Variants in PALM2AKAP2 observed in about 807,000 individuals in gnomAD.
PALM2AKAP2 encodes the protein PALM2-AKAP2 fusion protein.
Under a neutral mutation model 71.5 loss-of-function variants are expected in PALM2AKAP2, and 37 were observed. The ratio of observed to expected loss-of-function variants is 0.52; its 90% CI spans 0.40 to 0.68. The LOEUF is 0.68. Ranked by LOEUF, PALM2AKAP2 falls within the 30% of genes least tolerant of loss-of-function variation. PALM2AKAP2 has a pLI of 0.00. For synonymous variants in PALM2AKAP2, 468 were observed against 478.8 expected (o/e 0.98, Z 0.29); for missense variants, 1,224 against 1,191.8 (o/e 1.03, Z -0.40).
intron 2 of PALM2AKAP2, among the ~76,000 whole-genome samples, chr9:110,145,591 C>T (rs1836144362): frequency 6.6e-6 from 1 of 152,064 alleles, no homozygotes; most frequent in African/African-American, 2.4e-5. Flanking sequence ...GATCATTGAG[C>T]ACCATGACTA....
chr9:109,756,564 C>T (rs1339060369), intron 1 of PALM2AKAP2, among the ~76,000 whole-genome samples: 1 of 152,152 alleles, frequency 6.6e-6, no homozygotes, highest in Non-Finnish European at 1.5e-5. Context: ...TCCTTTTACA[C>T]CCAAAAGTCA....
At position 109,880,123 on chromosome 9, in the gene PALM2AKAP2, T is replaced by C. The variant is rs556192190; in HGVS notation, c.127-428T>C. 1.4e-4 allele frequency among the ~76,000 whole-genome samples: 21 copies of C among 152,310 alleles called. No individual in the cohort carries two copies. In the East Asian group the frequency reaches 4.0e-3, roughly 29 times the overall value. ...AAAACACTTTAATATGGACCAGATA[T>C]TAGGTGGTCTTAGGAAGTTTTTTAA... On this transcript the variant is annotated intron_variant, in intron 2 of 9. Transcript: ENST00000302798.
chr9:109,733,725 G>A (rs776000802), intron 1 of PALM2AKAP2, among the ~76,000 whole-genome samples: 2 of 152,182 alleles, frequency 1.3e-5, no homozygotes, highest in Non-Finnish European at 2.9e-5. Flanking sequence ...AGCATTTAAT[G>A]TAATCATTTG....
chr9:109,802,699 ACAT>A (rs1827466422), intron 1 of PALM2AKAP2, among the ~76,000 whole-genome samples: 1 of 152,172 alleles, frequency 6.6e-6, no homozygotes, highest in Non-Finnish European at 1.5e-5. Flanking sequence ...GAAGTGACCC[ACAT>A]CATTCTTCTC....
At chr9:109,642,138 T>G (rs1372990568) in intron 1 of PALM2AKAP2, among the ~76,000 whole-genome samples, 1 of 152,090 alleles carries the variant, frequency 6.6e-6, no homozygotes, top group Non-Finnish European at 1.5e-5. Context: ...CTTTGTAAAT[T>G]GTAAGATATG....
intron 1 of PALM2AKAP2, among the ~76,000 whole-genome samples, chr9:109,785,281 C>A (rs751310325): frequency 2.0e-5 from 3 of 152,180 alleles, no homozygotes; most frequent in Non-Finnish European, 4.4e-5. Flanking sequence ...TAAAAATGAT[C>A]TTTGCATTTG....
At chr9:109,698,302 A>C (rs1481994392) in intron 1 of PALM2AKAP2, among the ~76,000 whole-genome samples, 1 of 98,222 alleles carries the variant, frequency 1.0e-5, no homozygotes, top group Non-Finnish European at 1.9e-5. Context: ...TTTGAGACGG[A>C]GTTTCGCTTT....
At chr9:110,096,282 A>G (rs1834833132) in intron 1 of PALM2AKAP2, among the ~76,000 whole-genome samples, 1 of 151,994 alleles carries the variant, frequency 6.6e-6, no homozygotes, top group African/African-American at 2.4e-5. Context: ...TTGTCTTTAT[A>G]AGACAGGGTC....
intron 1 of PALM2AKAP2, among the ~76,000 whole-genome samples, chr9:109,648,504 A>G (rs1421500230): frequency 6.6e-6 from 1 of 152,226 alleles, no homozygotes; most frequent in Middle Eastern, 3.2e-3. Context: ...TTACATATAT[A>G]CTTTGTCAGG....
intron 1 of PALM2AKAP2, among the ~76,000 whole-genome samples, chr9:110,117,231 G>A (rs1835383234): frequency 6.6e-6 from 1 of 151,976 alleles, no homozygotes; most frequent in South Asian, 2.1e-4. Context: ...GTGTTCCTCC[G>A]GCCTCAGCCT....
intron 1 of PALM2AKAP2, among the ~76,000 whole-genome samples, chr9:109,854,722 C>G (rs78554324): frequency 0.013 from 1,917 of 144,326 alleles, 28 homozygotes; most frequent in Middle Eastern, 0.055. Flanking sequence ...TGATATAATA[C>G]TGAACATGCT....
chr9:110,089,209 G>A (rs1345983216), intron 1 of PALM2AKAP2, among the ~76,000 whole-genome samples: 1 of 152,184 alleles, frequency 6.6e-6, no homozygotes. Context: ...TAGATCACTT[G>A]TTGGAGAGCA....
rs117309976 is a variant in PALM2AKAP2 at position 110,115,404 on chromosome 9, G to A, written c.157-20723G>A. On this transcript the variant is annotated intron_variant, in intron 1 of 3. Transcript: ENST00000374525. ...GAATCCCTTGTAGAGAGTGGCATCC[G>A]TTTGCTGCATGAGATGGGAGAAAAA... Among the ~76,000 whole-genome samples, 51 of 152,288 alleles carry A rather than the reference G, an allele frequency of 3.3e-4. No homozygotes were observed. In the East Asian group the frequency reaches 7.1e-3, roughly 21 times the overall value.
At chr9:109,804,035 TCC>T (rs1234739298) in intron 1 of PALM2AKAP2, among the ~76,000 whole-genome samples, 1 of 152,108 alleles carries the variant, frequency 6.6e-6, no homozygotes, top group African/African-American at 2.4e-5. Flanking sequence ...GAAAGACAAC[TCC>T]CAGCCAGGCT....
chr9:109,799,415 C>T (rs916853523), intron 1 of PALM2AKAP2, among the ~76,000 whole-genome samples: 7 of 152,120 alleles, frequency 4.6e-5, no homozygotes, highest in African/African-American at 1.2e-4. Flanking sequence ...TCCTGACTGC[C>T]GGTCCCTGCC....
chr9:109,748,641 A>T (rs1828838776), intron 1 of PALM2AKAP2, among the ~76,000 whole-genome samples: 1 of 152,166 alleles, frequency 6.6e-6, no homozygotes. Context: ...ACAGTTACAC[A>T]ATTTTGCTCT....
intron 7 of PALM2AKAP2, among the ~76,000 whole-genome samples, chr9:110,024,386 C>G (rs1001952706): frequency 2.0e-5 from 3 of 152,038 alleles, no homozygotes; most frequent in African/African-American, 7.3e-5. Flanking sequence ...TGTTTTGTAT[C>G]TGGCTTAGGA....
intron 1 of PALM2AKAP2, among the ~76,000 whole-genome samples, chr9:109,743,541 C>A (rs1828750935): frequency 6.6e-6 from 1 of 152,036 alleles, no homozygotes; most frequent in South Asian, 2.1e-4. Context: ...AGAAAGCTCA[C>A]CTTATTTAAA....
chr9:110,167,578 G>A (rs1192289513), intron 3 of PALM2AKAP2, among the ~76,000 whole-genome samples: 1 of 152,216 alleles, frequency 6.6e-6, no homozygotes, highest in African/African-American at 2.4e-5. Flanking sequence ...TCCCTCAGTG[G>A]TGGTGAGCCT....
Sources: gnomAD v4.1 joint callset for allele counts (sites outside exome capture counted in the v4.1 genomes callset) on GRCh38, gnomAD v4.1.1 for gene constraint, MANE v1.5 for transcripts, NCBI Gene and HGNC (gene_info 2026-07-23, HGNC 2026-07-21) for gene names.